Variants in KLF3 observed in about 807,000 individuals in gnomAD.
KLF3 encodes the protein KLF transcription factor 3.
A neutral mutation model predicts 32.7 loss-of-function variants in KLF3; 6 were observed. The ratio of observed to expected loss-of-function variants is 0.18; its 90% CI spans 0.10 to 0.36. The LOEUF is 0.36. Ranked by LOEUF, KLF3 falls within the 10% of genes least tolerant of loss-of-function variation. KLF3 has a pLI of 1.00. For synonymous variants in KLF3, 145 were observed against 172.8 expected, an observed-to-expected ratio of 0.84 and a Z score of 1.26; for missense variants, 338 against 449.7, an observed-to-expected ratio of 0.75 and a Z score of 2.25.
chr4:38,667,407 A>C (rs547970426), intron 1 of KLF3, among the ~76,000 whole-genome samples: 28 of 152,224 alleles, frequency 1.8e-4, no homozygotes, highest in African/African-American at 6.7e-4. Context: ...ATCCCCACCC[A>C]TGGAGTTATC....
At position 38,688,462 on chromosome 4, in the gene KLF3, C is replaced by T. The variant is rs934434567; in HGVS notation, c.58-123C>T. On this transcript the variant is annotated intron_variant, in intron 2 of 5. Transcript: ENST00000261438. This position sits in a 1 kb window ranked among gnomAD's most constrained non-coding sequence, Gnocchi z 4.9. The stretch of plus-strand genomic sequence containing the variant: ...TTTAAGGTCACATATATATCGAAAT[C>T]TAAACTATTTTGTAAAGCCCATGTA... 1.0e-6 allele frequency: 1 copy of T among 993,116 alleles called. No homozygotes were observed. The highest frequency in any genetic ancestry group is 1.6e-5 in the African/African-American group (1 of 61,938). The allele number at this position is 993,116 out of a possible 1,614,324, so 61.5% of individuals were successfully genotyped here.
rs1230448200 is a variant in KLF3 at position 38,671,432 on chromosome 4, C to T, written c.-40+6971C>T. ...TCTTTTGATCTTGCATCCAAGTGTG[C>T]GTACTGAGACAGGGTGGGCAGCAGG... is the stretch of plus-strand genomic sequence containing the variant. On this transcript the variant is annotated intron_variant, in intron 1 of 5. Transcript: ENST00000261438. The surrounding 1 kb of genome is among the most constrained non-coding windows in gnomAD (Gnocchi z 4.4). 6.6e-6 allele frequency among the ~76,000 whole-genome samples: 1 copy of T among 152,132 alleles called. No homozygotes were observed. Among genetic ancestry groups the T allele is most frequent in the East Asian group, 1.9e-4 (1 of 5,198 alleles).
At chr4:38,690,278 A>T (rs1722836460) in intron 4 of KLF3, 1 of 180,066 alleles carries the variant, frequency 5.6e-6, no homozygotes, top group Non-Finnish European at 1.2e-5. Flanking sequence ...TAGTCCTTAC[A>T]GAGTGTATAG....
At chr4:38,668,922 G>A (rs1464079146) in intron 1 of KLF3, among the ~76,000 whole-genome samples, 1 of 152,212 alleles carries the variant, frequency 6.6e-6, no homozygotes, top group Admixed American at 6.5e-5. Flanking sequence ...ATGATTACCA[G>A]AAAGATGGGA....
intron 4 of KLF3, 145 bp downstream of exon 4, chr4:38,690,024 C>G: frequency 1.5e-6 from 1 of 668,308 alleles, no homozygotes; most frequent in Non-Finnish European, 2.5e-6. Flanking sequence ...TCCAGTACCA[C>G]TGGTCAAGAT....
intron 1 of KLF3, among the ~76,000 whole-genome samples, chr4:38,673,391 G>T (rs907814243): frequency 3.3e-5 from 5 of 152,210 alleles, no homozygotes; most frequent in Non-Finnish European, 7.3e-5. Context: ...GCCTCACGCA[G>T]CCCTTCTGGA....
At chr4:38,693,494 C>T (rs1439706510) in intron 4 of KLF3, among the ~76,000 whole-genome samples, 2 of 152,076 alleles carry the variant, frequency 1.3e-5, no homozygotes, top group African/African-American at 4.8e-5. Flanking sequence ...TACCAAGAGA[C>T]TCCCTTTTGA....
rs894115781 is a variant in KLF3 at position 38,680,854 on chromosome 4, C to T, written c.57+172C>T. 5 of 485,108 alleles carry T rather than the reference C, an allele frequency of 1.0e-5. No homozygotes were observed. In the Admixed American group the frequency reaches 1.6e-4, roughly 15 times the overall value. The allele number at this position is 485,108 out of a possible 1,614,324, so 30.1% of individuals were successfully genotyped here. A position where few individuals can be genotyped will look rare whatever the true frequency, so the allele number is the denominator to read the frequency against. On this transcript the variant is annotated intron_variant, in intron 2 of 5. Coordinates refer to ENST00000261438, the MANE Select transcript of KLF3 (RefSeq NM_016531.6). The stretch of plus-strand genomic sequence containing the variant: ...TCACCTGAGGTCGGGAGTTTGAGAC[C>T]AGCCTGACCAACATGAAGAAACCCC...
chr4:38,699,984 T>C lies in KLF3; in HGVS notation c.*2721T>C, dbSNP rs1232702150. ...GTGATTTCAATCGCAATATTTTAAA[T>C]TGATGAGAATGATTTGTAAACATGA... On this transcript the variant is annotated 3_prime_UTR_variant, in exon 6 of 6. Transcript: ENST00000261438. 2 of 152,242 alleles carry C rather than the reference T, an allele frequency of 1.3e-5. No individual in the cohort carries two copies. Among genetic ancestry groups the C allele is most frequent in the African/African-American group, 4.8e-5 (2 of 41,462 alleles). The allele number at this position is 152,242 out of a possible 1,614,324, so 9.4% of individuals were successfully genotyped here. A position where few individuals can be genotyped will look rare whatever the true frequency, so the allele number is the denominator to read the frequency against.
chr4:38,664,965 C>G (rs961580313), intron 1 of KLF3: 1 of 148,046 alleles, frequency 6.8e-6, no homozygotes, highest in African/African-American at 2.5e-5. Flanking sequence ...CCCAGGCTCC[C>G]GCGTCCTTCC....
At chr4:38,668,820 A>G (rs185395872) in intron 1 of KLF3, among the ~76,000 whole-genome samples, 3 of 152,312 alleles carry the variant, frequency 2.0e-5, no homozygotes, top group Admixed American at 6.5e-5. Context: ...AGAGATAATT[A>G]GGGTCTAATA....
Position 38,696,190 on chromosome 4 carries a change from A to G in KLF3, c.857-892A>G, listed in dbSNP as rs943529932. Among the ~76,000 whole-genome samples, 453 of 83,960 alleles carry G rather than the reference A, an allele frequency of 5.4e-3. 5 individuals are homozygous for G. The highest frequency in any genetic ancestry group is 0.013 in the African/African-American group (425 of 33,376). 55.1% of individuals were successfully genotyped at this position (83,960 alleles called of 152,430 possible). On this transcript the variant is annotated intron_variant, in intron 5 of 5. Coordinates refer to ENST00000261438, the MANE Select transcript of KLF3 (RefSeq NM_016531.6). ...TGGGTGACAGTTTAGATGTAGGAAA[A>G]AAAAAAAAAAAAAAAAAACGCCTCT...
chr4:38,682,446 G>C (rs1309942356), intron 2 of KLF3, among the ~76,000 whole-genome samples: 1 of 152,238 alleles, frequency 6.6e-6, no homozygotes, highest in East Asian at 1.9e-4. Flanking sequence ...GATCACGTTA[G>C]AGGAAAATGA....
In KLF3 at chr4:38,664,445, G is replaced by A; in HGVS notation, c.-56G>A. The A allele has an allele frequency of 6.6e-6, 1 of 152,306 alleles. No individual in the cohort carries two copies. Among genetic ancestry groups the A allele is most frequent in the Non-Finnish European group, 1.5e-5 (1 of 68,040 alleles). The allele number at this position is 152,306 out of a possible 1,614,324, so 9.4% of individuals were successfully genotyped here. A position where few individuals can be genotyped will look rare whatever the true frequency, so the allele number is the denominator to read the frequency against. On this transcript the variant is annotated 5_prime_UTR_variant, in exon 1 of 6. Coordinates refer to ENST00000261438, the MANE Select transcript of KLF3 (RefSeq NM_016531.6). Reference sequence around the variant, plus strand: ...CTTTATTTCTCGTCGGCGGCGCCCTGCACCGCGCCTCGCAAAGTAAGTCCC... The same window carrying A: ...CTTTATTTCTCGTCGGCGGCGCCCTACACCGCGCCTCGCAAAGTAAGTCCC...
chr4:38,694,225 T>TAAA (rs1226366487), intron 4 of KLF3, among the ~76,000 whole-genome samples: 50 of 152,332 alleles, frequency 3.3e-4, no homozygotes, highest in Non-Finnish European at 6.0e-4. Context: ...AACGTAGATA[T>TAAA]ACCCTACAAT....
At chr4:38,687,049 G>A (rs946795892) in intron 2 of KLF3, among the ~76,000 whole-genome samples, 1 of 152,194 alleles carries the variant, frequency 6.6e-6, no homozygotes, top group African/African-American at 2.4e-5. Flanking sequence ...CACCAGAGGG[G>A]CCAAGGAGAC....
intron 2 of KLF3, among the ~76,000 whole-genome samples, chr4:38,681,490 TA>T (rs1390944857): frequency 6.6e-6 from 1 of 152,142 alleles, no homozygotes; most frequent in Non-Finnish European, 1.5e-5. Context: ...TTCAGCACCT[TA>T]GCGCTAAGCC....
chr4:38,680,999 G>A (rs1406988396), intron 2 of KLF3: 4 of 187,402 alleles, frequency 2.1e-5, no homozygotes, highest in South Asian at 1.1e-4. Context: ...ACAGTGAGCC[G>A]AGATAGCAGA....
rs982104120 is a variant in KLF3 at position 38,700,808 on chromosome 4, T to G, written c.*3545T>G. 2 of 152,218 alleles carry G rather than the reference T, an allele frequency of 1.3e-5. No individual in the cohort carries two copies. Among genetic ancestry groups the G allele is most frequent in the Non-Finnish European group, 2.9e-5 (2 of 68,022 alleles). The allele number at this position is 152,218 out of a possible 1,614,324, so 9.4% of individuals were successfully genotyped here. A position where few individuals can be genotyped will look rare whatever the true frequency, so the allele number is the denominator to read the frequency against. ...ATAAGACTGAATGGGTAAAGGTTTT[T>G]AGCATGCATTAGTATACTTGCAGAT... is the stretch of plus-strand genomic sequence containing the variant. On this transcript the variant is annotated 3_prime_UTR_variant, in exon 6 of 6. Coordinates refer to ENST00000261438, the MANE Select transcript of KLF3 (RefSeq NM_016531.6).
Sources: allele counts gnomAD v4.1 joint callset (sites outside exome capture counted in the v4.1 genomes callset), GRCh38; gene constraint gnomAD v4.1.1; non-coding constraint Gnocchi (gnomAD v3.1); transcripts MANE v1.5; gene names NCBI Gene and HGNC (gene_info 2026-07-23, HGNC 2026-07-21).